The following RYR3 variants were observed in gnomAD, a reference collection of about 807,000 sequenced individuals.
The protein encoded by RYR3 is ryanodine receptor 3.
In RYR3, 207 loss-of-function variants were observed where a neutral mutation model predicts 584.3. The ratio of observed to expected loss-of-function variants is 0.35; its 90% confidence interval spans 0.32 to 0.40. The LOEUF is 0.40. Among genes scored for constraint, RYR3 ranks in the 10% least tolerant of loss-of-function variants. The pLI, the probability that RYR3 is intolerant of heterozygous loss-of-function variation, is 1.00. For synonymous variants in RYR3, 2,416 were observed against 2,248.5 expected (o/e 1.07, Z -2.11); for missense variants, 5,616 against 6,089.2 (o/e 0.92, Z 2.59).
intron 1 of RYR3, among the ~76,000 whole-genome samples, chr15:33,332,995 CTTTA>C (rs1462057658): frequency 7.7e-6 from 1 of 130,546 alleles, no homozygotes; most frequent in African/African-American, 2.9e-5. Context: ...TCTGATAAAA[CTTTA>C]TTTAAGAAAA....
intron 32 of RYR3, among the ~76,000 whole-genome samples, chr15:33,653,723 C>T (rs921287043): frequency 5.3e-5 from 8 of 152,066 alleles, no homozygotes; most frequent in Non-Finnish European, 7.4e-5. Context: ...TTTCCTGGAC[C>T]GTGAACTTCC....
chr15:33,633,160 C>CA, intron 24 of RYR3, 52 bp downstream of exon 24: 1 of 1,590,986 alleles, frequency 6.3e-7, no homozygotes, highest in Non-Finnish European at 8.6e-7. Flanking sequence ...TATGATCATC[C>CA]ACGTGCCGTT....
intron 1 of RYR3, among the ~76,000 whole-genome samples, chr15:33,330,163 G>T (rs1455993985): frequency 6.6e-6 from 1 of 152,164 alleles, no homozygotes; most frequent in African/African-American, 2.4e-5. Context: ...CAAAGTGGCG[G>T]TGCTTGTTGG....
intron 44 of RYR3, 68 bp from the exon 45 acceptor site, chr15:33,723,997 G>A: frequency 1.2e-6 from 1 of 805,344 alleles, no homozygotes; most frequent in Non-Finnish European, 2.1e-6. Flanking sequence ...ATATCAAGCA[G>A]CTTATGTCTC....
At chr15:33,641,802 T>C (rs2061841905) in intron 27 of RYR3, among the ~76,000 whole-genome samples, 1 of 152,206 alleles carries the variant, frequency 6.6e-6, no homozygotes, top group Non-Finnish European at 1.5e-5. Flanking sequence ...TCTTTTCCCA[T>C]GGAGTGTGCA....
intron 1 of RYR3, among the ~76,000 whole-genome samples, chr15:33,445,718 A>G (rs1464233717): frequency 1.9e-5 from 2 of 103,184 alleles, no homozygotes; most frequent in East Asian, 2.4e-4. Flanking sequence ...CACACACGAA[A>G]GCCATTTGAG....
chr15:33,562,575 GA>G (rs5811773), intron 10 of RYR3, among the ~76,000 whole-genome samples: 132,236 of 152,130 alleles, frequency 0.87, 58,222 homozygotes, highest in Middle Eastern at 0.98. Context: ...GAACAGAAGA[GA>G]AGAGCTTACT....
chr15:33,780,160 G>C (rs1266430795), intron 64 of RYR3, 51 bp from the exon 65 acceptor site: 2 of 1,596,700 alleles, frequency 1.3e-6, no homozygotes, highest in African/African-American at 2.7e-5. Flanking sequence ...GCCAATGCAT[G>C]GGGCCAGCAT....
intron 40 of RYR3, among the ~76,000 whole-genome samples, chr15:33,699,009 T>G (rs973967131): frequency 3.9e-5 from 6 of 152,158 alleles, no homozygotes; most frequent in Non-Finnish European, 8.8e-5. Context: ...AACAGTAATG[T>G]AAGATGGCAT....
chr15:33,756,183 T>C, intron 58 of RYR3, 123 bp from the exon 59 acceptor site: 1 of 722,714 alleles, frequency 1.4e-6, no homozygotes, highest in Admixed American at 2.1e-5. Flanking sequence ...TTGTAAGATA[T>C]ATTTTGTGAA....
intron 1 of RYR3, among the ~76,000 whole-genome samples, chr15:33,454,221 C>CGG (rs2047359141): frequency 6.6e-6 from 1 of 152,310 alleles, no homozygotes; most frequent in East Asian, 1.9e-4. Flanking sequence ...GAAGGACTAA[C>CGG]GGCACTCTGA....
At chr15:33,768,253 A>G (rs113949695) in intron 60 of RYR3, among the ~76,000 whole-genome samples, 9 of 152,362 alleles carry the variant, frequency 5.9e-5, no homozygotes, top group African/African-American at 1.9e-4. Context: ...GGAAGGCTAC[A>G]AAATGGTTTG....
intron 3 of RYR3, among the ~76,000 whole-genome samples, chr15:33,519,227 T>C (rs1451451079): frequency 2.0e-5 from 3 of 152,190 alleles, no homozygotes; most frequent in African/African-American, 7.2e-5. Flanking sequence ...ACTCTTCTTC[T>C]GAGAAGCTTA....
chr15:33,489,055 C>T (rs1251197453), intron 2 of RYR3, among the ~76,000 whole-genome samples: 1 of 152,108 alleles, frequency 6.6e-6, no homozygotes, highest in African/African-American at 2.4e-5. Flanking sequence ...GCTTTGCTCT[C>T]CTTCTAACTT....
intron 38 of RYR3, among the ~76,000 whole-genome samples, chr15:33,688,513 C>G (rs1265687235): frequency 1.4e-5 from 2 of 145,692 alleles, no homozygotes; most frequent in Non-Finnish European, 3.0e-5. Context: ...GTGGAGCTTG[C>G]AGTGAGCCAA....
chr15:33,669,324 A>T, intron 36 of RYR3, 30 bp from the exon 37 acceptor site: 1 of 1,589,368 alleles, frequency 6.3e-7, no homozygotes. Context: ...ATTGAGAACC[A>T]ACTAGCTATT....
chr15:33,339,979 G>A (rs12437557), intron 1 of RYR3, among the ~76,000 whole-genome samples: 39,193 of 152,036 alleles, frequency 0.26, 6,262 homozygotes, highest in East Asian at 0.39. Flanking sequence ...AAAGGAAGAT[G>A]ACAGATTGAG....
chr15:33,446,339 G>A (rs2046659991), intron 1 of RYR3, among the ~76,000 whole-genome samples: 1 of 152,224 alleles, frequency 6.6e-6, no homozygotes, highest in African/African-American at 2.4e-5. Flanking sequence ...TTACATGGGT[G>A]AAAGTTGGGT....
rs1424118969 is a variant in RYR3, at chr15:33,489,131, A to G, written c.172-14500A>G. 2.6e-5 allele frequency among the ~76,000 whole-genome samples: 4 copies of G among 152,322 alleles called. No homozygotes were observed. In the East Asian group the frequency reaches 7.7e-4, roughly 29 times the overall value. ...TTTGCTACCTGTCACATGAGGAAAT[A>G]TTTTATGAAGGAAATGCCTACAATT... On this transcript the variant is annotated intron_variant, in intron 2 of 103. Coordinates refer to ENST00000634891, the MANE Select transcript of RYR3 (RefSeq NM_001036.6).
Sources: gnomAD v4.1 joint callset for allele counts (sites outside exome capture counted in the v4.1 genomes callset) on GRCh38, gnomAD v4.1.1 for gene constraint, MANE v1.5 for transcripts, NCBI Gene and HGNC (gene_info 2026-07-23, HGNC 2026-07-21) for gene names.